CDK6: variants seen among roughly 807,000 people sequenced by gnomAD.
CDK6 encodes the protein cyclin-dependent kinase 6.
Under a neutral mutation model 37.1 loss-of-function variants are expected in CDK6, and 6 were observed. The ratio of observed to expected loss-of-function variants is 0.16; its 90% CI spans 0.09 to 0.32. CDK6 has a LOEUF of 0.32. Ranked by LOEUF, CDK6 falls within the 10% of genes least tolerant of loss-of-function variation. The pLI, the probability that CDK6 is intolerant of heterozygous loss-of-function variation, is 1.00. For synonymous variants in CDK6, 160 were observed against 161.3 expected (o/e 0.99, Z 0.06); for missense variants, 224 against 418.9 (o/e 0.53, Z 4.06).
chr7:92,725,746 G>A lies in CDK6; in HGVS notation c.417C>T (p.His139=), dbSNP rs750209850. 6.2e-7 allele frequency: 1 copy of A among 1,613,978 alleles called. No homozygotes were observed. The highest frequency in any genetic ancestry group is 8.5e-7 in the Non-Finnish European group (1 of 1,179,904). ...GTTTTAGATCGCGATGCACTACTCG[G>A]TGTGAATGAAGAAAGTCCAGACCTC... is the stretch of plus-strand genomic sequence containing the variant. The part of the protein sequence containing the change: ...LLRGLDFLHS[H]RVVHRDLKPQ... Residue 139 remains histidine (H), a synonymous_variant, in exon 4 of 8, where the codon CAC becomes CAT. Coordinates refer to ENST00000424848, the MANE Select transcript of CDK6 (RefSeq NM_001145306.2).
intron 4 of CDK6, among the ~76,000 whole-genome samples, chr7:92,673,128 G>GCC (rs1797127745): frequency 1.3e-5 from 2 of 152,272 alleles, no homozygotes; most frequent in South Asian, 4.2e-4. Context: ...CTGGTTGACA[G>GCC]CCCCAGTTGA....
At chr7:92,804,308 G>A (rs1363066110) in intron 2 of CDK6, among the ~76,000 whole-genome samples, 1 of 152,084 alleles carries the variant, frequency 6.6e-6, no homozygotes, top group African/African-American at 2.4e-5. Context: ...TTCCCTAGCA[G>A]GGTCCAAATA....
chr7:92,657,665 G>T (rs183688943), intron 5 of CDK6, among the ~76,000 whole-genome samples: 9 of 152,228 alleles, frequency 5.9e-5, no homozygotes, highest in Admixed American at 5.9e-4. Flanking sequence ...TGTCTCTTAT[G>T]CATCAAACCA....
rs1200088029 is a variant in CDK6, at chr7:92,833,887, A to C, written c.-367-197T>G. ...AGCGAAGTTACTTTTCTTTCCCTGC[A>C]GGGCTGAAGCCGTCTTCGCGCGGAG... On this transcript the variant is annotated intron_variant, in intron 1 of 7. Coordinates refer to ENST00000424848, the MANE Select transcript of CDK6 (RefSeq NM_001145306.2). The surrounding 1 kb of genome is among the most constrained non-coding windows in gnomAD (Gnocchi z 6.1). The C allele has an allele frequency of 5.0e-6, 2 of 398,392 alleles. No individual in the cohort carries two copies. The highest frequency in any genetic ancestry group is 7.1e-5 in the East Asian group (2 of 28,044). The allele number at this position is 398,392 out of a possible 1,614,324, so 24.7% of individuals were successfully genotyped here.
At chr7:92,658,222 T>G (rs924960549) in intron 5 of CDK6, among the ~76,000 whole-genome samples, 2 of 152,232 alleles carry the variant, frequency 1.3e-5, no homozygotes, top group African/African-American at 4.8e-5. Flanking sequence ...AAAATTTGCA[T>G]GTCATTTGAC....
At chr7:92,660,199 G>C (rs1796804575) in intron 5 of CDK6, among the ~76,000 whole-genome samples, 1 of 152,212 alleles carries the variant, frequency 6.6e-6, no homozygotes, top group African/African-American at 2.4e-5. Flanking sequence ...ACCTATGGTG[G>C]ACAACTTGTG....
Position 92,779,527 on chromosome 7 carries a change from T to C in CDK6, c.234-4696A>G, listed in dbSNP as rs139477050. On this transcript the variant is annotated intron_variant, in intron 2 of 7. Transcript: ENST00000424848. ...ATCCTTTTTAATTTTTAAGGTGCCATTATTATTAACTTCATTCAGGAAATG... is the reference window on the plus strand; with the variant it reads ...ATCCTTTTTAATTTTTAAGGTGCCACTATTATTAACTTCATTCAGGAAATG... Among the ~76,000 whole-genome samples, 966 of 152,296 alleles carry C rather than the reference T, an allele frequency of 6.3e-3. 10 individuals carry two copies. Among genetic ancestry groups the C allele is most frequent in the African/African-American group, 0.022 (903 of 41,548 alleles).
chr7:92,711,241 T>C (rs1798080697), intron 4 of CDK6, among the ~76,000 whole-genome samples: 1 of 152,052 alleles, frequency 6.6e-6, no homozygotes, highest in Admixed American at 6.6e-5. Context: ...GGTAAAAATA[T>C]TATGTAAATT....
chr7:92,709,956 C>T (rs901398921), intron 4 of CDK6, among the ~76,000 whole-genome samples: 5 of 152,164 alleles, frequency 3.3e-5, no homozygotes, highest in East Asian at 1.9e-4. Context: ...ATGTGGAGCA[C>T]GTAAGGAAAA....
At chr7:92,630,182 G>A (rs1006138258) in intron 5 of CDK6, among the ~76,000 whole-genome samples, 2 of 152,014 alleles carry the variant, frequency 1.3e-5, no homozygotes, top group African/African-American at 4.8e-5. Flanking sequence ...GCACATTCTT[G>A]TCTACTATAG....
At chr7:92,753,736 C>T (rs1447742124) in intron 3 of CDK6, among the ~76,000 whole-genome samples, 1 of 152,186 alleles carries the variant, frequency 6.6e-6, no homozygotes, top group Non-Finnish European at 1.5e-5. Context: ...AGTTTCCTGC[C>T]TGACATCATG....
chr7:92,823,562 T>A (rs1249716151), intron 2 of CDK6, among the ~76,000 whole-genome samples: 1 of 151,416 alleles, frequency 6.6e-6, no homozygotes, highest in Non-Finnish European at 1.5e-5. Flanking sequence ...GAGTCCCTTC[T>A]AGCCCCAATC....
chr7:92,811,488 A>G (rs1438670674), intron 2 of CDK6, among the ~76,000 whole-genome samples: 1 of 151,964 alleles, frequency 6.6e-6, no homozygotes, highest in African/African-American at 2.4e-5. Flanking sequence ...CTTCGAGTGA[A>G]CAGTCTTGAG....
chr7:92,717,728 G>T (rs139307805), intron 4 of CDK6, among the ~76,000 whole-genome samples: 3 of 152,176 alleles, frequency 2.0e-5, no homozygotes. Flanking sequence ...CTAGAATTAG[G>T]TGAGTCAAAT....
intron 5 of CDK6, among the ~76,000 whole-genome samples, chr7:92,665,620 G>A (rs1291297746): frequency 6.6e-6 from 1 of 152,124 alleles, no homozygotes; most frequent in African/African-American, 2.4e-5. Context: ...CAAAAGACAT[G>A]CACCTCTTAA....
intron 2 of CDK6, among the ~76,000 whole-genome samples, chr7:92,808,983 GC>G (rs1214364471): frequency 6.6e-6 from 1 of 152,058 alleles, no homozygotes; most frequent in Non-Finnish European, 1.5e-5. Flanking sequence ...CTATTTAGAG[GC>G]CTCTGTAAAG....
In CDK6 at chr7:92,606,471, T is replaced by C. The variant is rs952484864; in HGVS notation, c.*8669A>G. On this transcript the variant is annotated 3_prime_UTR_variant, in exon 8 of 8. Coordinates refer to ENST00000424848, the MANE Select transcript of CDK6 (RefSeq NM_001145306.2). ...AGGATGGTAGCAGGGAACACTTTAG[T>C]GGTAGAAAGGAAGAGATACAGGGGA... The C allele has an allele frequency of 3.3e-4, 77 of 233,330 alleles. No homozygotes were observed. Among genetic ancestry groups the C allele is most frequent in the African/African-American group, 1.6e-3 (72 of 45,412 alleles). 14.5% of individuals were successfully genotyped at this position (233,330 alleles called of 1,614,324 possible).
At chr7:92,703,050 G>A (rs1797891535) in intron 4 of CDK6, among the ~76,000 whole-genome samples, 1 of 152,044 alleles carries the variant, frequency 6.6e-6, no homozygotes, top group Admixed American at 6.6e-5. Flanking sequence ...CCCTAATCGA[G>A]ACCCACTGAT....
In CDK6 at chr7:92,618,057, A is replaced by G. The variant is rs1313793009; in HGVS notation, c.834+15T>C. ...CTGGCACAGTGCAGACGAGCTTGAC[A>G]TCAGAAAAACTTACCAGAAGTAGGT... On this transcript the variant is annotated intron_variant, in intron 7 of 7. Transcript: ENST00000424848. 4 of 1,613,442 alleles carry G rather than the reference A, an allele frequency of 2.5e-6. No individual in the cohort carries two copies. Among genetic ancestry groups the G allele is most frequent in the African/African-American group, 1.3e-5 (1 of 74,920 alleles).
Sources: allele counts gnomAD v4.1 joint callset (sites outside exome capture counted in the v4.1 genomes callset), GRCh38; gene constraint gnomAD v4.1.1; non-coding constraint Gnocchi (gnomAD v3.1); transcripts MANE v1.5; gene names NCBI Gene and HGNC (gene_info 2026-07-23, HGNC 2026-07-21).